Variants in KREMEN1 observed in about 807,000 individuals in gnomAD.
KREMEN1 encodes kringle containing transmembrane protein 1.
Under a neutral mutation model 46.5 loss-of-function variants are expected in KREMEN1, and 30 were observed. The observed-to-expected ratio is 0.65, with a 90% CI of 0.48 to 0.88. The LOEUF (loss-of-function observed/expected upper bound fraction) is 0.88. KREMEN1 is among the 40% of genes least tolerant of loss of function. The probability of loss-of-function intolerance (pLI) is 0.00; values close to 1 mark genes in which losing one functional copy is unlikely to be tolerated. For missense variants in KREMEN1, 533 were observed against 596.9 expected (o/e 0.89, Z 1.11); for synonymous variants, 214 against 230.6 (o/e 0.93, Z 0.65).
intron 1 of KREMEN1, among the ~76,000 whole-genome samples, chr22:29,083,581 C>G (rs1601751115): frequency 6.6e-6 from 1 of 152,170 alleles, no homozygotes; most frequent in South Asian, 2.1e-4. Context: ...CCTGTAATCC[C>G]AACACTTTGG....
chr22:29,111,613 C>CAAAAAAAAAAAAAAAAAAAA (rs33999396), intron 3 of KREMEN1: 1 of 88,976 alleles, frequency 1.1e-5, no homozygotes, highest in Non-Finnish European at 2.1e-5. Context: ...GACTCCGTCT[C>CAAAAAAAAAAAAAAAAAAAA]AAAAAAAAAA....
chr22:29,136,731 G>C (rs1204412031), intron 5 of KREMEN1, among the ~76,000 whole-genome samples: 1 of 152,148 alleles, frequency 6.6e-6, no homozygotes, highest in Non-Finnish European at 1.5e-5. Flanking sequence ...AAGCAAATGT[G>C]CCCAGTACAG....
intron 5 of KREMEN1, among the ~76,000 whole-genome samples, chr22:29,126,285 A>G (rs1329805857): frequency 3.3e-5 from 5 of 152,240 alleles, no homozygotes; most frequent in Non-Finnish European, 7.3e-5. Flanking sequence ...ATAACAGATT[A>G]TCACCAACTG....
At chr22:29,134,546 T>A (rs2038626940) in intron 5 of KREMEN1, among the ~76,000 whole-genome samples, 1 of 152,122 alleles carries the variant, frequency 6.6e-6, no homozygotes, top group African/African-American at 2.4e-5. Context: ...CTGTAGATTG[T>A]TTTAACAATG....
intron 4 of KREMEN1, among the ~76,000 whole-genome samples, chr22:29,121,954 T>A (rs976454313): frequency 6.6e-6 from 1 of 152,200 alleles, no homozygotes; most frequent in Non-Finnish European, 1.5e-5. Context: ...CAAATCATTT[T>A]AAAAAGTTGG....
At chr22:29,081,973 C>T (rs2037662211) in intron 1 of KREMEN1, among the ~76,000 whole-genome samples, 1 of 152,210 alleles carries the variant, frequency 6.6e-6, no homozygotes, top group African/African-American at 2.4e-5. Context: ...CAGAGTCTGG[C>T]TTCCATGGAG....
chr22:29,131,720 AT>A lies in KREMEN1; in HGVS notation c.632-5621del, dbSNP rs1295994327. On this transcript the variant is annotated intron_variant, in intron 5 of 8. Coordinates refer to ENST00000400335, the MANE Select transcript of KREMEN1 (RefSeq NM_001039570.3). Reference sequence around the variant, plus strand: ...TATGTGTATATATATGTATATATGTATATATATGTATATATGTGTATATATA... The same window carrying A: ...TATGTGTATATATATGTATATATGTAATATATGTATATATGTGTATATATA... Among the ~76,000 whole-genome samples, 298 of 136,104 alleles carry A rather than the reference AT, an allele frequency of 2.2e-3. 6 individuals are homozygous for A. Among genetic ancestry groups the A allele is most frequent in the African/African-American group, 8.5e-3 (280 of 32,906 alleles). The allele number at this position is 136,104 out of a possible 152,430, so 89.3% of individuals were successfully genotyped here. A position where few individuals can be genotyped will look rare whatever the true frequency, so the allele number is the denominator to read the frequency against.
At chr22:29,091,254 T>C (rs1601758920) in intron 1 of KREMEN1, among the ~76,000 whole-genome samples, 1 of 152,220 alleles carries the variant, frequency 6.6e-6, no homozygotes, top group Non-Finnish European at 1.5e-5. Context: ...ATTACAGGCT[T>C]GAGCCACTGT....
chr22:29,145,247 A>C lies in KREMEN1; in HGVS notation c.*3135A>C. On this transcript the variant is annotated 3_prime_UTR_variant, in exon 9 of 9. Coordinates refer to ENST00000400335, the MANE Select transcript of KREMEN1 (RefSeq NM_001039570.3). ...ACTTTTAGGAAACTCCTTAGATGAG[A>C]TAAAGTGGGGGTTGGAGGTGGCGAA... 1.0e-6 allele frequency: 1 copy of C among 985,610 alleles called. No individual in the cohort carries two copies. The highest frequency in any genetic ancestry group is 5.2e-4 in the Middle Eastern group (1 of 1,916). 61.1% of individuals were successfully genotyped at this position (985,610 alleles called of 1,614,324 possible).
At chr22:29,091,317 C>A (rs970276203) in intron 1 of KREMEN1, among the ~76,000 whole-genome samples, 16 of 152,130 alleles carry the variant, frequency 1.1e-4, no homozygotes, top group Non-Finnish European at 1.9e-4. Context: ...TTTTGTATTA[C>A]AAACCAAGTC....
chr22:29,138,440 T>C (rs2038704242), intron 6 of KREMEN1, among the ~76,000 whole-genome samples, 184 bp from the exon 7 acceptor site: 2 of 152,372 alleles, frequency 1.3e-5, no homozygotes, highest in South Asian at 4.1e-4. Flanking sequence ...TTCATCCTTC[T>C]GCCTTCTAAA....
rs12158902 is a variant in KREMEN1 at position 29,137,177 on chromosome 22, T to G, written c.632-165T>G. Among the ~76,000 whole-genome samples, 1,044 of 152,310 alleles carry G rather than the reference T, an allele frequency of 6.9e-3. 14 individuals are homozygous for G. The highest frequency in any genetic ancestry group is 0.023 in the African/African-American group (974 of 41,572). On this transcript the variant is annotated intron_variant, in intron 5 of 8. Transcript: ENST00000400335. ...GGGAAAAACATCTCCACAGTCATTT[T>G]TCGAGAGTCTCAGCGATTCGTTTTG...
Position 29,140,318 on chromosome 22 carries a change from TCA to T in KREMEN1, c.1163_1164del (p.Thr388SerfsTer26). 1.2e-6 allele frequency: 2 copies of T among 1,614,130 alleles called. No individual in the cohort carries two copies. Among genetic ancestry groups the T allele is most frequent in the Non-Finnish European group, 8.5e-7 (1 of 1,179,960 alleles). ...TATGGTCTGGCAACTCTCCTCATCC[TCA>T]CAGTCACAGCCATTGTAGCAAAGAT... On this transcript the variant is annotated frameshift_variant, in exon 8 of 9. Coordinates refer to ENST00000400335, the MANE Select transcript of KREMEN1 (RefSeq NM_001039570.3). LOFTEE classifies it high-confidence loss of function.
At chr22:29,121,267 A>T in intron 3 of KREMEN1, 90 bp from the exon 4 acceptor site, 1 of 1,476,398 alleles carries the variant, frequency 6.8e-7, no homozygotes, top group Non-Finnish European at 9.3e-7. Flanking sequence ...ATACTGGCTG[A>T]GATGAAAGTA....
chr22:29,115,838 G>A (rs114870182), intron 3 of KREMEN1, among the ~76,000 whole-genome samples: 2,118 of 152,300 alleles, frequency 0.014, 44 homozygotes, highest in African/African-American at 0.047. Flanking sequence ...GCAAAAACCC[G>A]GAGGCCAGAG....
downstream of KREMEN1, among the ~76,000 whole-genome samples, chr22:29,148,600 G>A (rs182190189): frequency 9.1e-3 from 1,373 of 151,682 alleles, 15 homozygotes; most frequent in South Asian, 0.017. Flanking sequence ...AATTACAGGC[G>A]CCCGCCACCA....
At chr22:29,089,696 T>C (rs546460745) in intron 1 of KREMEN1, among the ~76,000 whole-genome samples, 8 of 152,346 alleles carry the variant, frequency 5.3e-5, no homozygotes, top group African/African-American at 1.9e-4. Context: ...AAATCTCATT[T>C]ATCTAACCCT....
chr22:29,108,489 G>GT (rs1043753426), intron 3 of KREMEN1, among the ~76,000 whole-genome samples: 8 of 151,984 alleles, frequency 5.3e-5, no homozygotes, highest in Non-Finnish European at 7.4e-5. Context: ...GCCTTCCAGA[G>GT]TTTTTTTTGA....
intron 5 of KREMEN1, among the ~76,000 whole-genome samples, chr22:29,135,353 C>T (rs1234232888): frequency 6.6e-6 from 1 of 152,182 alleles, no homozygotes; most frequent in East Asian, 1.9e-4. Context: ...CAGGTCTACT[C>T]CCTCCCCCAG....
Sources: allele counts gnomAD v4.1 joint callset (sites outside exome capture counted in the v4.1 genomes callset), GRCh38; gene constraint gnomAD v4.1.1; transcripts MANE v1.5; gene names NCBI Gene and HGNC (gene_info 2026-07-23, HGNC 2026-07-21).